Variants in SLC2A2 observed in about 807,000 individuals in gnomAD.
SLC2A2 encodes the protein solute carrier family 2 member 2.
A neutral mutation model predicts 54.5 loss-of-function variants in SLC2A2; 36 were observed. The observed-to-expected ratio is 0.66, with a 90% confidence interval of 0.51 to 0.87. The LOEUF is 0.87. Ranked by LOEUF, SLC2A2 falls within the 40% of genes least tolerant of loss-of-function variation. SLC2A2 has a pLI of 0.00. For synonymous variants in SLC2A2, 223 were observed against 219.1 expected (o/e 1.02, Z -0.16); for missense variants, 543 against 624.3 (o/e 0.87, Z 1.39).
intron 4 of SLC2A2, among the ~76,000 whole-genome samples, chr3:171,009,433 T>A (rs1265043011): frequency 6.6e-6 from 1 of 152,002 alleles, no homozygotes; most frequent in Non-Finnish European, 1.5e-5. Context: ...AGAGATGGGT[T>A]CAGAGTGTTA....
chr3:171,018,721 G>C, intron 1 of SLC2A2, 98 bp from the exon 2 acceptor site: 1 of 809,010 alleles, frequency 1.2e-6, no homozygotes, highest in Non-Finnish European at 2.1e-6. Flanking sequence ...GGCTCCACAG[G>C]CTGGTTCTTT....
At chr3:171,016,740 A>G (rs1045765827) in intron 2 of SLC2A2, among the ~76,000 whole-genome samples, 16 of 152,182 alleles carry the variant, frequency 1.1e-4, no homozygotes, top group African/African-American at 2.4e-4. Context: ...ACTAACCTGG[A>G]CGCCAGTATG....
intron 4 of SLC2A2, among the ~76,000 whole-genome samples, chr3:171,008,939 G>A: frequency 6.6e-6 from 1 of 152,036 alleles, no homozygotes; most frequent in East Asian, 1.9e-4. Flanking sequence ...TTAGTCTTTT[G>A]CTTCAACTGA....
intron 1 of SLC2A2, among the ~76,000 whole-genome samples, chr3:171,022,601 C>T (rs374044208): frequency 2.0e-5 from 3 of 152,222 alleles, no homozygotes; most frequent in African/African-American, 7.2e-5. Context: ...CCAGTCTCAT[C>T]CCTGCATTTT....
intron 2 of SLC2A2, among the ~76,000 whole-genome samples, chr3:171,016,149 T>C (rs1716141331): frequency 6.6e-6 from 1 of 152,174 alleles, no homozygotes. Flanking sequence ...AAGACATTTG[T>C]CTCAGACTGG....
intron 2 of SLC2A2, among the ~76,000 whole-genome samples, chr3:171,015,044 A>G (rs1716080301): frequency 6.6e-6 from 1 of 152,236 alleles, no homozygotes; most frequent in East Asian, 1.9e-4. Context: ...GAACTAGAGG[A>G]GCAAGAGGAA....
intron 9 of SLC2A2, 138 bp from the exon 10 acceptor site, chr3:170,998,534 T>C (rs1381980325): frequency 1.4e-6 from 1 of 693,968 alleles, no homozygotes; most frequent in South Asian, 1.7e-5. Context: ...AGTTATTCTA[T>C]TCTGAGAGAA....
At chr3:171,014,964 A>G (rs1431955985) in intron 2 of SLC2A2, among the ~76,000 whole-genome samples, 1 of 152,182 alleles carries the variant, frequency 6.6e-6, no homozygotes, top group East Asian at 1.9e-4. Context: ...AACATGTAAT[A>G]CTTTGATGAC....
chr3:171,019,241 T>C (rs566398074), intron 1 of SLC2A2, among the ~76,000 whole-genome samples: 19 of 150,864 alleles, frequency 1.3e-4, no homozygotes, highest in African/African-American at 4.1e-4. Context: ...CATTATATCA[T>C]TGGGAGCGGT....
chr3:171,024,137 G>C (rs929612348), intron 1 of SLC2A2, among the ~76,000 whole-genome samples: 3 of 151,978 alleles, frequency 2.0e-5, no homozygotes, highest in Non-Finnish European at 4.4e-5. Flanking sequence ...CTATAAAATG[G>C]GTATAAAACT....
At chr3:171,017,242 T>G (rs1424910831) in intron 2 of SLC2A2, among the ~76,000 whole-genome samples, 1 of 152,146 alleles carries the variant, frequency 6.6e-6, no homozygotes, top group Non-Finnish European at 1.5e-5. Context: ...AATGTTAAAT[T>G]GTTAAATGAT....
At chr3:170,998,980 A>C in intron 9 of SLC2A2, 85 bp downstream of exon 9, 2 of 852,400 alleles carry the variant, frequency 2.3e-6, no homozygotes, top group South Asian at 1.3e-5. Context: ...ATATTTTTGA[A>C]TACAAAGCAC....
At chr3:171,021,171 T>TCCTCAAATCCTTTTTCC (rs1716445830) in intron 1 of SLC2A2, among the ~76,000 whole-genome samples, 1 of 152,182 alleles carries the variant, frequency 6.6e-6, no homozygotes. Context: ...TGGTGGTTTC[T>TCCTCAAATCCTTTTTCC]CCTCAAATCC....
intron 3 of SLC2A2, among the ~76,000 whole-genome samples, chr3:171,011,206 A>G (rs1484898135): frequency 6.6e-6 from 1 of 152,046 alleles, no homozygotes; most frequent in Admixed American, 6.6e-5. Flanking sequence ...TAATCCCCAG[A>G]CTCTGTAAAT....
chr3:171,026,424 T>C (rs1716704758), intron 1 of SLC2A2, among the ~76,000 whole-genome samples: 1 of 151,280 alleles, frequency 6.6e-6, no homozygotes, highest in Non-Finnish European at 1.5e-5. Context: ...GTAATATGGT[T>C]ATGCACAATT....
intron 3 of SLC2A2, among the ~76,000 whole-genome samples, chr3:171,011,428 A>G (rs1406193823): frequency 6.6e-6 from 1 of 152,150 alleles, no homozygotes; most frequent in African/African-American, 2.4e-5. Context: ...CCAGAGAACT[A>G]TAGTTGGTCA....
intron 1 of SLC2A2, among the ~76,000 whole-genome samples, chr3:171,024,424 C>G (rs1716595781): frequency 6.6e-6 from 1 of 152,170 alleles, no homozygotes; most frequent in Non-Finnish European, 1.5e-5. Context: ...GACAGATACT[C>G]TAGTGTGGGA....
chr3:171,007,499 G>C, intron 4 of SLC2A2: 3 of 511,654 alleles, frequency 5.9e-6, no homozygotes, highest in Non-Finnish European at 1.1e-5. Context: ...GTATTTGACA[G>C]TTCTTCATTA....
chr3:171,003,397 A>G (rs568198308), intron 7 of SLC2A2, among the ~76,000 whole-genome samples: 5 of 132,630 alleles, frequency 3.8e-5, no homozygotes, highest in African/African-American at 1.4e-4. Context: ...GAAATCCTCA[A>G]TTCAATACTC....
Sources: gnomAD v4.1 joint callset for allele counts (sites outside exome capture counted in the v4.1 genomes callset) on GRCh38, gnomAD v4.1.1 for gene constraint, MANE v1.5 for transcripts, NCBI Gene and HGNC (gene_info 2026-07-23, HGNC 2026-07-21) for gene names.